EML6: variants seen among roughly 807,000 people sequenced by gnomAD.
EML6 encodes EMAP like 6.
EML6 carries 154 observed loss-of-function variants against 240.1 expected under a neutral mutation model. The ratio of observed to expected loss-of-function variants is 0.64; its 90% confidence interval spans 0.56 to 0.73. EML6 has a LOEUF of 0.73. EML6 is among the 30% of genes least tolerant of loss of function. EML6 has a pLI of 0.00. For missense variants in EML6, 2,964 were observed against 2,474.6 expected (o/e 1.20, Z -4.20); for synonymous variants, 1,148 against 899.0 (o/e 1.28, Z -4.95).
intron 28 of EML6, among the ~76,000 whole-genome samples, chr2:54,932,498 C>T (rs536003869): frequency 6.6e-6 from 1 of 152,264 alleles, no homozygotes; most frequent in South Asian, 2.1e-4. Context: ...TCTCAAGTGC[C>T]ACGCCCCAAC....
intron 8 of EML6, among the ~76,000 whole-genome samples, chr2:54,846,323 A>G (rs998851935): frequency 1.3e-5 from 2 of 152,114 alleles, no homozygotes; most frequent in African/African-American, 4.8e-5. Context: ...AATAACTATT[A>G]CTGGAAGCAC....
intron 25 of EML6, 141 bp downstream of exon 25, chr2:54,911,183 C>G (rs1673619810): frequency 1.9e-6 from 1 of 516,702 alleles, no homozygotes; most frequent in African/African-American, 1.9e-5. Flanking sequence ...AATCTGATTG[C>G]TTAATCTGGT....
intron 12 of EML6, among the ~76,000 whole-genome samples, chr2:54,860,017 TTC>T (rs1428590473): frequency 3.3e-5 from 5 of 152,174 alleles, no homozygotes; most frequent in African/African-American, 1.2e-4. Flanking sequence ...CGCAGGTCCA[TTC>T]TCTCTGAGAG....
intron 2 of EML6, among the ~76,000 whole-genome samples, chr2:54,769,040 T>C (rs1179163142): frequency 4.6e-5 from 7 of 152,206 alleles, no homozygotes; most frequent in African/African-American, 1.7e-4. Flanking sequence ...AGAACCACAC[T>C]ATCCAAGAAG....
At chr2:54,740,447 A>T (rs1428779785) in intron 2 of EML6, among the ~76,000 whole-genome samples, 1 of 152,168 alleles carries the variant, frequency 6.6e-6, no homozygotes, top group African/African-American at 2.4e-5. Flanking sequence ...GGCCCAGTGG[A>T]TTTAGCAATA....
At chr2:54,928,254 AC>A in intron 26 of EML6, 58 bp from the exon 27 acceptor site, 4 of 1,315,126 alleles carry the variant, frequency 3.0e-6, no homozygotes, top group Non-Finnish European at 3.2e-6. Flanking sequence ...ACATGGATAA[AC>A]GAGCCCAGAG....
intron 26 of EML6, among the ~76,000 whole-genome samples, chr2:54,926,013 G>A (rs1016254567): frequency 2.6e-5 from 4 of 152,234 alleles, no homozygotes; most frequent in South Asian, 2.1e-4. Context: ...AAACTGAAAT[G>A]TGAATGTAGG....
chr2:54,750,614 G>A (rs1407593457), intron 2 of EML6, among the ~76,000 whole-genome samples: 6 of 152,098 alleles, frequency 3.9e-5, no homozygotes, highest in Admixed American at 6.5e-5. Context: ...GTTTCTCTCC[G>A]GTCGTTGGCC....
Position 54,954,163 on chromosome 2 carries a change from C to T in EML6, c.4486+7C>T. ...GTCTGGCGATGGCAGGAAGGTAAACCAGCACTGGGCTTTCTGTCCCTCCAG... is the reference window on the plus strand; with the variant it reads ...GTCTGGCGATGGCAGGAAGGTAAACTAGCACTGGGCTTTCTGTCCCTCCAG... On this transcript the variant is annotated splice_region_variant and intron_variant, in intron 32 of 41. Transcript: ENST00000356458. The T allele has an allele frequency of 6.5e-7, 1 of 1,549,390 alleles. No homozygotes were observed. The highest frequency in any genetic ancestry group is 8.7e-7 in the Non-Finnish European group (1 of 1,145,848).
At chr2:54,955,240 C>G (rs1558723322) in intron 32 of EML6, among the ~76,000 whole-genome samples, 1 of 152,176 alleles carries the variant, frequency 6.6e-6, no homozygotes, top group African/African-American at 2.4e-5. Flanking sequence ...AAGTGGCCAA[C>G]TGATTGACCA....
intron 28 of EML6, among the ~76,000 whole-genome samples, chr2:54,941,329 CTTAT>C (rs1192068356): frequency 2.6e-5 from 4 of 152,012 alleles, no homozygotes; most frequent in Non-Finnish European, 5.9e-5. Context: ...TTTTAAACGC[CTTAT>C]TTAATCAGGA....
chr2:54,794,321 A>G (rs1030111010), intron 2 of EML6, among the ~76,000 whole-genome samples: 3 of 152,110 alleles, frequency 2.0e-5, no homozygotes, highest in African/African-American at 7.2e-5. Context: ...TTAAAACACC[A>G]ATTCATGGAT....
chr2:54,877,844 G>A (rs914976157), intron 16 of EML6, among the ~76,000 whole-genome samples: 2 of 152,212 alleles, frequency 1.3e-5, no homozygotes, highest in Non-Finnish European at 2.9e-5. Context: ...TGGAGGGTTG[G>A]AGAGGATTTG....
At chr2:54,965,657 T>C (rs540414355) in intron 38 of EML6, among the ~76,000 whole-genome samples, 38 of 152,230 alleles carry the variant, frequency 2.5e-4, no homozygotes. Flanking sequence ...GCTGTCTTCC[T>C]GCACTAAGTC....
At position 54,970,811 on chromosome 2, in the gene EML6, CT is replaced by C. The variant is rs1676956185; in HGVS notation, c.*718del. The C allele has an allele frequency of 6.6e-6, 1 of 152,222 alleles. No individual in the cohort carries two copies. The highest frequency in any genetic ancestry group is 2.4e-5 in the African/African-American group (1 of 41,428). The allele number at this position is 152,222 out of a possible 1,614,324, so 9.4% of individuals were successfully genotyped here. On this transcript the variant is annotated 3_prime_UTR_variant, in exon 42 of 42. Coordinates refer to ENST00000356458, the MANE Select transcript of EML6 (RefSeq NM_001039753.4). The stretch of plus-strand genomic sequence containing the variant: ...CCCTTAGCAGATTCAGTGTGTCACC[CT>C]TGTCCTGTGTTCACGCCAAGGCTTC...
In EML6 at chr2:54,879,631, C is replaced by T. The variant is rs762487049; in HGVS notation, c.2429C>T (p.Ala810Val). The T allele has an allele frequency of 2.3e-5, 36 of 1,547,326 alleles. No individual in the cohort carries two copies. The highest frequency in any genetic ancestry group is 3.1e-5 in the Non-Finnish European group (35 of 1,142,694). Residue 810 changes from alanine (A) to valine (V), a missense_variant, in exon 17 of 42, where the codon GCC (alanine) becomes GTC (valine). Transcript: ENST00000356458. The part of the protein sequence containing the change: ...FWDWKKGEKI[A>V]TTRGHKDKIF... The stretch of plus-strand genomic sequence containing the variant: ...GACTGGAAAAAGGGAGAAAAGATAG[C>T]CACAACAAGGTAAGAAGCTGCCGGG...
chr2:54,802,549 C>T (rs1003470537), intron 2 of EML6, among the ~76,000 whole-genome samples: 3 of 151,742 alleles, frequency 2.0e-5, no homozygotes, highest in Non-Finnish European at 2.9e-5. Flanking sequence ...ATCACTGAGC[C>T]CTGGGAAGGT....
intron 2 of EML6, among the ~76,000 whole-genome samples, chr2:54,764,818 T>C (rs956163837): frequency 6.6e-6 from 1 of 152,208 alleles, no homozygotes; most frequent in Non-Finnish European, 1.5e-5. Context: ...ATATGCATGG[T>C]AGGAGATGCC....
chr2:54,850,447 T>C (rs1292962751), intron 10 of EML6: 2 of 490,564 alleles, frequency 4.1e-6, no homozygotes, highest in African/African-American at 1.9e-5. Context: ...TAAAAGTTGC[T>C]GCACAACAAG....
Sources: allele counts gnomAD v4.1 joint callset (sites outside exome capture counted in the v4.1 genomes callset), GRCh38; gene constraint gnomAD v4.1.1; transcripts MANE v1.5; gene names NCBI Gene and HGNC (gene_info 2026-07-23, HGNC 2026-07-21).